Variants in MBD5 observed in about 807,000 individuals in gnomAD.
MBD5 encodes the protein methyl-CpG binding domain protein 5.
MBD5 carries 13 observed loss-of-function variants against 117.3 expected under a neutral mutation model. That is an observed-to-expected ratio of 0.11 (90% confidence interval 0.07 to 0.18). The LOEUF is 0.18. MBD5 is among the 10% of genes least tolerant of loss of function. The pLI, the probability that MBD5 is intolerant of heterozygous loss-of-function variation, is 1.00. For synonymous variants in MBD5, 727 were observed against 766.4 expected (o/e 0.95, Z 0.85); for missense variants, 1,879 against 2,093.8 (o/e 0.90, Z 2.00).
chr2:148,129,553 A>G (rs1047890834), intron 1 of MBD5, among the ~76,000 whole-genome samples: 1 of 152,178 alleles, frequency 6.6e-6, no homozygotes, highest in Non-Finnish European at 1.5e-5. Flanking sequence ...CTCTAAAAAG[A>G]TAGGCTCTGT....
intron 3 of MBD5, among the ~76,000 whole-genome samples, chr2:148,249,799 G>A (rs1036029541): frequency 1.3e-5 from 2 of 152,038 alleles, no homozygotes; most frequent in East Asian, 3.9e-4. Flanking sequence ...CTCATCCAGG[G>A]GAATTTTGCC....
intron 3 of MBD5, among the ~76,000 whole-genome samples, chr2:148,256,142 C>T (rs1261023494): frequency 1.3e-5 from 2 of 152,260 alleles, no homozygotes; most frequent in Admixed American, 1.3e-4. Context: ...TGTTGCGTAA[C>T]ATTGGACAGC....
intron 4 of MBD5, among the ~76,000 whole-genome samples, chr2:148,449,412 A>C (rs1706659747): frequency 6.6e-6 from 1 of 152,106 alleles, no homozygotes; most frequent in African/African-American, 2.4e-5. Flanking sequence ...TCTGTGAAGC[A>C]AAAGAACTGG....
intron 4 of MBD5, among the ~76,000 whole-genome samples, chr2:148,404,942 T>G (rs1438316861): frequency 1.3e-5 from 2 of 152,180 alleles, no homozygotes; most frequent in African/African-American, 4.8e-5. Context: ...TTCATCCAAG[T>G]AAAAGTCTTT....
At position 148,397,801 on chromosome 2, in the gene MBD5, T is replaced by G. The variant is rs12691794; in HGVS notation, c.-557+55465T>G. Among the ~76,000 whole-genome samples the G allele has an allele frequency of 2.2e-3, 313 of 144,942 alleles. 4 individuals are homozygous for G. Among genetic ancestry groups the G allele is most frequent in the Non-Finnish European group, 9.9e-4 (66 of 66,556 alleles). Reference sequence around the variant, plus strand: ...ATATCTCCTAATCCTATCCCTCCCCTCTCCCCCTACCCCACAACAGGCCCC... The same window carrying G: ...ATATCTCCTAATCCTATCCCTCCCCGCTCCCCCTACCCCACAACAGGCCCC... On this transcript the variant is annotated intron_variant, in intron 4 of 13. Transcript: ENST00000642680.
intron 1 of MBD5, among the ~76,000 whole-genome samples, chr2:148,028,970 C>A (rs569376473): frequency 1.5e-3 from 235 of 152,210 alleles, no homozygotes; most frequent in Non-Finnish European, 2.8e-3. Flanking sequence ...TGCTTCCCAT[C>A]TCTGTTCTGC....
intron 1 of MBD5, among the ~76,000 whole-genome samples, chr2:148,153,436 A>G (rs1335054056): frequency 1.4e-5 from 2 of 138,970 alleles, no homozygotes; most frequent in African/African-American, 5.3e-5. Context: ...GCTCTTCTCG[A>G]GGAGTATCTT....
At chr2:148,062,321 T>C (rs1211464928) in intron 1 of MBD5, 2 of 151,826 alleles carry the variant, frequency 1.3e-5, no homozygotes, top group African/African-American at 4.8e-5. Flanking sequence ...AACTACAAGG[T>C]TTCTACTTTC....
At position 148,216,508 on chromosome 2, in the gene MBD5, C is replaced by T. The variant is rs552382472; in HGVS notation, c.-830-16737C>T. On this transcript the variant is annotated intron_variant, in intron 2 of 13. Transcript: ENST00000642680. ...CTTCATGACTTCTAAAATGTGACTG[C>T]TTTCATGTCCAGATAGCTTGAATAC... Among the ~76,000 whole-genome samples, 7 of 152,286 alleles carry T rather than the reference C, an allele frequency of 4.6e-5. No individual in the cohort carries two copies. The South Asian group carries it at 1.5e-3, about 32-fold the overall frequency.
chr2:148,395,695 G>T (rs1258934611), intron 4 of MBD5, among the ~76,000 whole-genome samples: 1 of 151,946 alleles, frequency 6.6e-6, no homozygotes, highest in Non-Finnish European at 1.5e-5. Context: ...AAAGTGCAGG[G>T]ATTAGAGGCG....
intron 3 of MBD5, among the ~76,000 whole-genome samples, chr2:148,279,383 T>C (rs893976148): frequency 2.0e-5 from 3 of 152,168 alleles, no homozygotes; most frequent in African/African-American, 7.2e-5. Context: ...TGAGCTATGA[T>C]TGCACAACTG....
intron 7 of MBD5, among the ~76,000 whole-genome samples, chr2:148,464,324 CA>C (rs1440819443): frequency 6.6e-6 from 1 of 152,076 alleles, no homozygotes; most frequent in Non-Finnish European, 1.5e-5. Flanking sequence ...ACCTACTAAA[CA>C]GAAATCACCT....
At chr2:148,280,034 C>T (rs939988590) in intron 3 of MBD5, among the ~76,000 whole-genome samples, 1 of 148,042 alleles carries the variant, frequency 6.8e-6, no homozygotes, top group Non-Finnish European at 1.5e-5. Context: ...ATCTGTTGAA[C>T]TGATATTTCT....
chr2:148,411,470 T>A (rs1705246376), intron 4 of MBD5, among the ~76,000 whole-genome samples: 1 of 151,672 alleles, frequency 6.6e-6, no homozygotes, highest in African/African-American at 2.4e-5. Flanking sequence ...ACCAGCAGTG[T>A]ATAAGCATTC....
chr2:148,061,430 C>G (rs1006485713), intron 1 of MBD5, among the ~76,000 whole-genome samples: 1 of 151,848 alleles, frequency 6.6e-6, no homozygotes, highest in South Asian at 2.1e-4. Flanking sequence ...AACTCTTTCC[C>G]TCTACATAAT....
chr2:148,440,780 G>A (rs1706295177), intron 4 of MBD5, among the ~76,000 whole-genome samples: 1 of 152,156 alleles, frequency 6.6e-6, no homozygotes. Flanking sequence ...GGATGAAAGA[G>A]GAATAAACAG....
chr2:148,269,668 G>GTTTTTTTTTTTTTTTTTT (rs11316954), intron 3 of MBD5, among the ~76,000 whole-genome samples: 1 of 125,854 alleles, frequency 7.9e-6, no homozygotes, highest in Non-Finnish European at 1.7e-5. Flanking sequence ...AGTTTTTTTA[G>GTTTTTTTTTTTTTTTTTT]TTTTTTTTTT....
chr2:148,423,702 A>G (rs1231953980), intron 4 of MBD5, among the ~76,000 whole-genome samples: 3 of 152,192 alleles, frequency 2.0e-5, no homozygotes, highest in Non-Finnish European at 4.4e-5. Flanking sequence ...ACATAACAAT[A>G]TTACCCTTAA....
At chr2:148,201,188 C>T (rs758769885) in intron 2 of MBD5, among the ~76,000 whole-genome samples, 26 of 152,142 alleles carry the variant, frequency 1.7e-4, no homozygotes, top group Admixed American at 7.2e-4. Context: ...CCTGCAACTG[C>T]GTGCTCAGTC....
Sources: gnomAD v4.1 joint callset for allele counts (sites outside exome capture counted in the v4.1 genomes callset) on GRCh38, gnomAD v4.1.1 for gene constraint, MANE v1.5 for transcripts, NCBI Gene and HGNC (gene_info 2026-07-23, HGNC 2026-07-21) for gene names.